FGF12: variants seen among roughly 807,000 people sequenced by gnomAD.
FGF12 encodes the protein fibroblast growth factor 12B.
Under a neutral mutation model 23.6 loss-of-function variants are expected in FGF12, and 14 were observed. That is an observed-to-expected ratio of 0.59 (90% CI 0.39 to 0.93). The LOEUF (loss-of-function observed/expected upper bound fraction) is 0.93, where lower values mean the gene tolerates loss of function less well. Ranked by LOEUF, FGF12 falls within the 40% of genes least tolerant of loss-of-function variation. The pLI is 0.00. For missense variants in FGF12, 175 were observed against 217.8 expected, an observed-to-expected ratio of 0.80 and a Z score of 1.24; for synonymous variants, 62 against 77.3, an observed-to-expected ratio of 0.80 and a Z score of 1.04.
intron 2 of FGF12, among the ~76,000 whole-genome samples, chr3:192,370,637 A>G (rs1719186713): frequency 6.6e-6 from 1 of 152,178 alleles, no homozygotes; most frequent in South Asian, 2.1e-4. Context: ...GAAAATTTGG[A>G]AGGATTTTAA....
intron 2 of FGF12, among the ~76,000 whole-genome samples, chr3:192,655,655 G>T (rs1326208520): frequency 6.6e-6 from 1 of 152,102 alleles, no homozygotes; most frequent in Non-Finnish European, 1.5e-5. Context: ...AAAATAAAGA[G>T]CTAGAAAATT....
rs752102763 is a variant in FGF12, at chr3:192,141,472, T to C, written c.*2537A>G. ...AAAAGAAATCAGGTTTCCAATTAAT[T>C]CTCTGAACTAAACTGGAAATAAGAC... On this transcript the variant is annotated 3_prime_UTR_variant, in exon 6 of 6. Coordinates refer to ENST00000445105, the MANE Select transcript of FGF12 (RefSeq NM_004113.6). The C allele has an allele frequency of 6.6e-6, 1 of 152,022 alleles. No individual in the cohort carries two copies. Among genetic ancestry groups the C allele is most frequent in the Non-Finnish European group, 1.5e-5 (1 of 67,886 alleles). The allele number at this position is 152,022 out of a possible 1,614,324, so 9.4% of individuals were successfully genotyped here.
chr3:192,326,650 T>A (rs1716835442), intron 4 of FGF12, among the ~76,000 whole-genome samples: 1 of 152,338 alleles, frequency 6.6e-6, no homozygotes, highest in Admixed American at 6.5e-5. Context: ...GTTGTTGGTG[T>A]TATCACTGTA....
intron 2 of FGF12, among the ~76,000 whole-genome samples, chr3:192,592,548 GA>G (rs1713672038): frequency 6.6e-6 from 1 of 151,788 alleles, no homozygotes; most frequent in Admixed American, 6.6e-5. Flanking sequence ...GGATGCATAG[GA>G]ATTTGAGAAG....
In FGF12 at chr3:192,531,037, A is replaced by G. The variant is rs191091761; in HGVS notation, c.14-170499T>C. Among the ~76,000 whole-genome samples, 646 of 152,254 alleles carry G rather than the reference A, an allele frequency of 4.2e-3. 2 individuals carry two copies. Among genetic ancestry groups the G allele is most frequent in the Non-Finnish European group, 6.3e-3 (428 of 68,010 alleles). ...ACCATGTTGGCCAGGCTGGTCTCGA[A>G]CTGACCTCAGGTGATGCACCCACCT... On this transcript the variant is annotated intron_variant, in intron 2 of 5. Transcript: ENST00000445105.
chr3:192,392,315 T>A (rs568821105), intron 2 of FGF12, among the ~76,000 whole-genome samples: 1 of 152,072 alleles, frequency 6.6e-6, no homozygotes, highest in African/African-American at 2.4e-5. Flanking sequence ...ACGCCTGTAA[T>A]CCCAGCACTT....
At chr3:192,265,073 T>A (rs761627180) in intron 4 of FGF12, among the ~76,000 whole-genome samples, 1 of 152,080 alleles carries the variant, frequency 6.6e-6, no homozygotes, top group Non-Finnish European at 1.5e-5. Context: ...AAGGGAACCA[T>A]TGAAGATAAA....
chr3:192,516,373 CT>C (rs1724667415), intron 2 of FGF12: 1 of 152,178 alleles, frequency 6.6e-6, no homozygotes, highest in Admixed American at 6.5e-5. Flanking sequence ...CTGACCTCAC[CT>C]TTGTTCCATC....
intron 2 of FGF12, among the ~76,000 whole-genome samples, chr3:192,460,441 T>C (rs1416138314): frequency 6.6e-6 from 1 of 152,084 alleles, no homozygotes; most frequent in African/African-American, 2.4e-5. Flanking sequence ...GGATGTCCAC[T>C]GAAAAACAGT....
chr3:192,343,549 C>T (rs1014782712), intron 3 of FGF12, among the ~76,000 whole-genome samples: 3 of 152,002 alleles, frequency 2.0e-5, no homozygotes, highest in African/African-American at 7.2e-5. Flanking sequence ...TTATAATTTA[C>T]TTAAGTCAAT....
At chr3:192,381,927 G>A (rs913668663) in intron 2 of FGF12, among the ~76,000 whole-genome samples, 16 of 152,116 alleles carry the variant, frequency 1.1e-4, no homozygotes, top group Admixed American at 6.5e-5. Flanking sequence ...GGTCATTTGG[G>A]AAATTCTGAA....
intron 2 of FGF12, among the ~76,000 whole-genome samples, chr3:192,602,127 G>C (rs1447825545): frequency 2.0e-5 from 3 of 152,112 alleles, no homozygotes; most frequent in Non-Finnish European, 4.4e-5. Context: ...GTCAATGTAG[G>C]TTCACCAATT....
intron 2 of FGF12, among the ~76,000 whole-genome samples, chr3:192,381,005 A>G (rs1719791535): frequency 1.3e-5 from 2 of 150,772 alleles, no homozygotes; most frequent in South Asian, 4.2e-4. Flanking sequence ...CCAAATTAGT[A>G]GTGAATATAG....
intron 4 of FGF12, among the ~76,000 whole-genome samples, chr3:192,176,247 A>G (rs1343377295): frequency 6.6e-6 from 1 of 152,188 alleles, no homozygotes; most frequent in African/African-American, 2.4e-5. Context: ...TTCTCTATCA[A>G]ATAGGACCAT....
intron 2 of FGF12, among the ~76,000 whole-genome samples, chr3:192,482,591 A>G (rs1475147463): frequency 1.3e-5 from 2 of 152,162 alleles, no homozygotes; most frequent in Non-Finnish European, 2.9e-5. Context: ...CCAAGATCGC[A>G]TCAGTGCACG....
At chr3:192,302,305 A>T (rs918024772) in intron 4 of FGF12, among the ~76,000 whole-genome samples, 2 of 152,174 alleles carry the variant, frequency 1.3e-5, no homozygotes, top group Non-Finnish European at 2.9e-5. Flanking sequence ...TCAGACTGTT[A>T]TTAGAAAATG....
rs1158493925 is a variant in FGF12, at chr3:192,150,323, G to A, written c.428-6196C>T. The stretch of plus-strand genomic sequence containing the variant: ...GTGCAGAAGCTCTTTAGTTTAATTA[G>A]ATCCCATTTGTCAATTTTGGCTTTT... On this transcript the variant is annotated intron_variant, in intron 5 of 5. Coordinates refer to ENST00000445105, the MANE Select transcript of FGF12 (RefSeq NM_004113.6). Among the ~76,000 whole-genome samples the A allele has an allele frequency of 8.2e-5, 7 of 84,886 alleles. No homozygotes were observed. The East Asian group carries it at 2.0e-3, about 24-fold the overall frequency. 55.7% of individuals were successfully genotyped at this position (84,886 alleles called of 152,430 possible).
intron 2 of FGF12, among the ~76,000 whole-genome samples, chr3:192,702,619 C>T (rs1476488463): frequency 6.6e-6 from 1 of 151,940 alleles, no homozygotes; most frequent in Non-Finnish European, 1.5e-5. Context: ...ATGGCGAAAC[C>T]CTAGCTTTGC....
intron 2 of FGF12, among the ~76,000 whole-genome samples, chr3:192,598,365 C>T (rs1713955433): frequency 6.6e-6 from 1 of 152,208 alleles, no homozygotes; most frequent in African/African-American, 2.4e-5. Context: ...ATCTGCCTTA[C>T]TAGCTGGCTG....
Sources: allele counts gnomAD v4.1 joint callset (sites outside exome capture counted in the v4.1 genomes callset), GRCh38; gene constraint gnomAD v4.1.1; transcripts MANE v1.5; gene names NCBI Gene and HGNC (gene_info 2026-07-23, HGNC 2026-07-21).